The following RPTOR variants were observed in gnomAD, a reference collection of about 807,000 sequenced individuals.
The protein encoded by RPTOR is regulatory associated protein of MTOR complex 1, also known as regulatory-associated protein of mTOR.
Under a neutral mutation model 169.9 loss-of-function variants are expected in RPTOR, and 21 were observed. That is an observed-to-expected ratio of 0.12 (90% CI 0.09 to 0.18). RPTOR has a LOEUF of 0.18. RPTOR is among the 10% of genes least tolerant of loss of function. The pLI, the probability that RPTOR is intolerant of heterozygous loss-of-function variation, is 1.00. For synonymous variants in RPTOR, 732 were observed against 753.2 expected, an observed-to-expected ratio of 0.97 and a Z score of 0.46; for missense variants, 1,133 against 1,855.9, an observed-to-expected ratio of 0.61 and a Z score of 7.16.
chr17:80,903,696 A>G (rs761302936), intron 20 of RPTOR, among the ~76,000 whole-genome samples: 2 of 152,218 alleles, frequency 1.3e-5, no homozygotes, highest in South Asian at 4.1e-4. Flanking sequence ...CGAGAAGCTG[A>G]AAGAGTCCTT....
At chr17:80,663,592 G>A (rs757189839) in intron 3 of RPTOR, among the ~76,000 whole-genome samples, 4 of 152,176 alleles carry the variant, frequency 2.6e-5, no homozygotes, top group Non-Finnish European at 5.9e-5. Flanking sequence ...GGGAGTGAAG[G>A]CAGCCTGTGC....
Position 80,721,945 on chromosome 17 carries a change from G to A in RPTOR, c.508-8615G>A, listed in dbSNP as rs2066290286. On this transcript the variant is annotated intron_variant, in intron 4 of 33. Coordinates refer to ENST00000306801, the MANE Select transcript of RPTOR (RefSeq NM_020761.3). This position sits in a 1 kb window ranked among gnomAD's most constrained non-coding sequence, Gnocchi z 4.7. ...CCTATTCCTTGTGGATTGTGCTGCT[G>A]ATGGGAACTTCCTTTGACTTCACAA... 6.6e-6 allele frequency among the ~76,000 whole-genome samples: 1 copy of A among 151,130 alleles called. No individual in the cohort carries two copies. Among genetic ancestry groups the A allele is most frequent in the Admixed American group, 6.6e-5 (1 of 15,238 alleles).
intron 6 of RPTOR, among the ~76,000 whole-genome samples, chr17:80,764,268 C>A (rs993686775): frequency 6.7e-6 from 1 of 149,084 alleles, no homozygotes; most frequent in Non-Finnish European, 1.5e-5. Flanking sequence ...CCCATTAACT[C>A]GTCATTTAGC....
intron 16 of RPTOR, among the ~76,000 whole-genome samples, chr17:80,884,232 G>T (rs926336720): frequency 2.6e-5 from 4 of 152,232 alleles, no homozygotes; most frequent in Non-Finnish European, 2.9e-5. Context: ...AGAGGCAGGG[G>T]TCACGTGCTC....
rs565241369 is a variant in RPTOR at position 80,964,401 on chromosome 17, G to A, written c.*71G>A. The stretch of plus-strand genomic sequence containing the variant: ...GTGAAGCTGTCACTCGCCGGGGCAC[G>A]GGGCGTCGGCTGCTGCGGCCCCGCA... On this transcript the variant is annotated 3_prime_UTR_variant, in exon 34 of 34. Transcript: ENST00000306801. The A allele has an allele frequency of 1.0e-4, 151 of 1,504,440 alleles. No individual in the cohort carries two copies. The African/African-American group carries it at 1.2e-3, about 12-fold the overall frequency. The allele number at this position is 1,504,440 out of a possible 1,614,324, so 93.2% of individuals were successfully genotyped here.
intron 13 of RPTOR, among the ~76,000 whole-genome samples, chr17:80,869,498 G>A (rs768192382): frequency 9.2e-5 from 14 of 152,158 alleles, no homozygotes; most frequent in Non-Finnish European, 1.5e-4. Context: ...CCAAAAATGT[G>A]GGGGGATTTA....
intron 2 of RPTOR, among the ~76,000 whole-genome samples, chr17:80,642,948 A>T (rs1364499768): frequency 6.6e-6 from 1 of 152,254 alleles, no homozygotes; most frequent in Non-Finnish European, 1.5e-5. Flanking sequence ...CTGCTCTTCT[A>T]CTAAACTTTT....
chr17:80,696,145 C>T (rs1178852295), intron 3 of RPTOR, among the ~76,000 whole-genome samples: 1 of 152,120 alleles, frequency 6.6e-6, no homozygotes, highest in Non-Finnish European at 1.5e-5. Flanking sequence ...TTCAAAGACT[C>T]AGGGTTCCAT....
intron 1 of RPTOR, among the ~76,000 whole-genome samples, chr17:80,555,862 A>G (rs1369083243): frequency 6.6e-6 from 1 of 151,842 alleles, no homozygotes; most frequent in African/African-American, 2.4e-5. Context: ...TTGGCTATGG[A>G]TGGAGTGGGG....
At chr17:80,641,344 T>C (rs1036032603) in intron 2 of RPTOR, among the ~76,000 whole-genome samples, 4 of 152,252 alleles carry the variant, frequency 2.6e-5, no homozygotes, top group African/African-American at 9.6e-5. Context: ...ACCATTGAAT[T>C]AGAATTTCCA....
rs1479994551 is a variant in RPTOR, at chr17:80,760,300, C to CTTTT, written c.830+6118_830+6121dup. Among the ~76,000 whole-genome samples the CTTTT allele has an allele frequency of 1.8e-3, 169 of 96,470 alleles. 6 individuals are homozygous for CTTTT. Among genetic ancestry groups the CTTTT allele is most frequent in the East Asian group, 2.5e-3 (8 of 3,182 alleles). 63.3% of individuals were successfully genotyped at this position (96,470 alleles called of 152,430 possible). A position where few individuals can be genotyped will look rare whatever the true frequency, so the allele number is the denominator to read the frequency against. On this transcript the variant is annotated intron_variant, in intron 6 of 33. Transcript: ENST00000306801. ...GTGTTCCAGTCGAGCTTTCTTTTTTCTTTTTTCTTTTTTTTTTTTTTGAGA... is the reference window on the plus strand; with the variant it reads ...GTGTTCCAGTCGAGCTTTCTTTTTTCTTTTTTTTTTCTTTTTTTTTTTTTTGAGA...
intron 10 of RPTOR, 105 bp from the exon 11 acceptor site, chr17:80,846,368 G>C: frequency 8.9e-7 from 1 of 1,122,594 alleles, no homozygotes; most frequent in Non-Finnish European, 1.3e-6. Flanking sequence ...CCTGCAGGGC[G>C]GGCCCTTCGT....
chr17:80,676,488 G>GC (rs1165652539), intron 3 of RPTOR, among the ~76,000 whole-genome samples: 1 of 152,182 alleles, frequency 6.6e-6, no homozygotes, highest in African/African-American at 2.4e-5. Context: ...GCTGTGGGTC[G>GC]TCTTGGAATT....
intron 3 of RPTOR, among the ~76,000 whole-genome samples, chr17:80,681,564 TTC>T (rs2065898132): frequency 6.8e-6 from 1 of 147,896 alleles, no homozygotes; most frequent in South Asian, 2.1e-4. Context: ...ACATTTCTAG[TTC>T]TCTTACACCT....
At chr17:80,764,383 T>C (rs916424571) in intron 6 of RPTOR, among the ~76,000 whole-genome samples, 2 of 146,126 alleles carry the variant, frequency 1.4e-5, no homozygotes, top group Non-Finnish European at 3.0e-5. Flanking sequence ...CATTGTTCAG[T>C]TCCCACCTAT....
chr17:80,588,465 C>T (rs939418302), intron 1 of RPTOR, among the ~76,000 whole-genome samples: 17 of 152,166 alleles, frequency 1.1e-4, no homozygotes, highest in African/African-American at 3.9e-4. Context: ...CTGGCCTATC[C>T]ACTCATTTTT....
chr17:80,962,434 G>C (rs751413017), intron 31 of RPTOR, 27 bp from the exon 32 acceptor site: 1 of 1,593,682 alleles, frequency 6.3e-7, no homozygotes, highest in Admixed American at 1.7e-5. Flanking sequence ...TCCGGGAGGA[G>C]GTGTCACTGT....
chr17:80,639,466 G>A (rs951516146), intron 2 of RPTOR, among the ~76,000 whole-genome samples: 5 of 152,018 alleles, frequency 3.3e-5, no homozygotes, highest in Admixed American at 6.6e-5. Flanking sequence ...CCAGATCAAG[G>A]AACAAGATGA....
chr17:80,555,248 T>A (rs1181380180), intron 1 of RPTOR, among the ~76,000 whole-genome samples: 1 of 152,206 alleles, frequency 6.6e-6, no homozygotes, highest in East Asian at 1.9e-4. Flanking sequence ...CTCTTTCCAT[T>A]CGCTCTGCCT....
Sources: gnomAD v4.1 joint callset for allele counts (sites outside exome capture counted in the v4.1 genomes callset) on GRCh38, gnomAD v4.1.1 for gene constraint, Gnocchi (gnomAD v3.1) non-coding constraint, MANE v1.5 for transcripts, NCBI Gene and HGNC (gene_info 2026-07-23, HGNC 2026-07-21) for gene names.